Variants in NRIP3 observed in about 807,000 individuals in gnomAD.
The protein encoded by NRIP3 is nuclear receptor interacting protein 3.
Under a neutral mutation model 29.0 loss-of-function variants are expected in NRIP3, and 31 were observed. That is an observed-to-expected ratio of 1.07 (90% CI 0.80 to 1.44). The LOEUF (loss-of-function observed/expected upper bound fraction) is 1.44, where lower values mean the gene tolerates loss of function less well. Among genes scored for constraint, NRIP3 ranks in the 40% most tolerant of loss-of-function variants. The pLI is 0.00. For missense variants in NRIP3, 314 were observed against 297.9 expected (o/e 1.05, Z -0.40); for synonymous variants, 131 against 118.3 (o/e 1.11, Z -0.70).
At chr11:8,988,928 G>A (rs1854557344) in intron 1 of NRIP3, among the ~76,000 whole-genome samples, 1 of 152,306 alleles carries the variant, frequency 6.6e-6, no homozygotes, top group Non-Finnish European at 1.5e-5. Context: ...AAACCTGAGC[G>A]AACACACAAG....
At chr11:8,995,859 A>G (rs1050377106) in intron 1 of NRIP3, among the ~76,000 whole-genome samples, 2 of 152,118 alleles carry the variant, frequency 1.3e-5, no homozygotes, top group Non-Finnish European at 2.9e-5. Context: ...CAGATTCAAC[A>G]CCATCCACAC....
In NRIP3 at chr11:8,982,900, A is replaced by G. The variant is rs774362347; in HGVS notation, c.*645T>C. 1.3e-5 allele frequency: 6 copies of G among 452,082 alleles called. No homozygotes were observed. Among genetic ancestry groups the G allele is most frequent in the Non-Finnish European group, 2.7e-5 (6 of 225,680 alleles). 28.0% of individuals were successfully genotyped at this position (452,082 alleles called of 1,614,324 possible). A position where few individuals can be genotyped will look rare whatever the true frequency, so the allele number is the denominator to read the frequency against. On this transcript the variant is annotated 3_prime_UTR_variant, in exon 7 of 7. Transcript: ENST00000309166. Reference sequence around the variant, plus strand: ...TTAAAGGCTTGAATACAAATGAGGCAGCATGGGAGTCTTGGCTTGGAAATC... The same window carrying G: ...TTAAAGGCTTGAATACAAATGAGGCGGCATGGGAGTCTTGGCTTGGAAATC...
rs899182420 is a variant in NRIP3, at chr11:9,003,612, G to A, written c.174+150C>T. 3 of 731,388 alleles carry A rather than the reference G, an allele frequency of 4.1e-6. No homozygotes were observed. The East Asian group carries it at 1.0e-4, about 25-fold the overall frequency. The allele number at this position is 731,388 out of a possible 1,614,324, so 45.3% of individuals were successfully genotyped here. A position where few individuals can be genotyped will look rare whatever the true frequency, so the allele number is the denominator to read the frequency against. ...CCACCGAAACCGCAGCAGGGGTACT[G>A]GAAGGGGAGGAATCCGCGACGCAGC... On this transcript the variant is annotated intron_variant, in intron 1 of 6. Transcript: ENST00000309166.
chr11:8,991,986 A>T (rs1240444323), intron 1 of NRIP3, among the ~76,000 whole-genome samples: 1 of 152,222 alleles, frequency 6.6e-6, no homozygotes, highest in Non-Finnish European at 1.5e-5. Context: ...AAGACAGAAG[A>T]GCTACTGTTA....
chr11:8,996,748 C>T (rs1411170054), intron 1 of NRIP3, among the ~76,000 whole-genome samples: 2 of 152,268 alleles, frequency 1.3e-5, no homozygotes, highest in Non-Finnish European at 2.9e-5. Flanking sequence ...CAAGGGCCGT[C>T]CTGTCTTTCA....
chr11:8,986,179 A>T (rs890687395), intron 3 of NRIP3, among the ~76,000 whole-genome samples: 1 of 152,218 alleles, frequency 6.6e-6, no homozygotes, highest in Non-Finnish European at 1.5e-5. Flanking sequence ...GAGTTGACAC[A>T]TCCTTTTACC....
chr11:8,985,944 C>T, intron 3 of NRIP3, 94 bp from the exon 4 acceptor site: 1 of 1,430,452 alleles, frequency 7.0e-7, no homozygotes, highest in Non-Finnish European at 9.7e-7. Context: ...TGGAATTCTC[C>T]AGGGATCTCC....
intron 1 of NRIP3, among the ~76,000 whole-genome samples, chr11:8,995,753 G>A (rs1854690950): frequency 6.6e-6 from 1 of 152,114 alleles, no homozygotes; most frequent in Admixed American, 6.6e-5. Context: ...TTGTTCTTCA[G>A]AAAAAATCCA....
At chr11:8,990,658 G>GGCAT (rs1294382910) in intron 1 of NRIP3, among the ~76,000 whole-genome samples, 1 of 152,080 alleles carries the variant, frequency 6.6e-6, no homozygotes, top group Non-Finnish European at 1.5e-5. Flanking sequence ...CAGGCATGGT[G>GGCAT]GCATGCACCT....
chr11:8,998,784 A>ATTTTTTT (rs767253373), intron 1 of NRIP3, among the ~76,000 whole-genome samples: 3 of 77,570 alleles, frequency 3.9e-5, no homozygotes, highest in Non-Finnish European at 7.4e-5. Context: ...CAAACTCTTC[A>ATTTTTTT]TTTTTTTTTT....
chr11:9,004,030 A>C, upstream of NRIP3: 4 of 1,235,030 alleles, frequency 3.2e-6, no homozygotes, highest in African/African-American at 1.6e-5. Flanking sequence ...CGCGCCTTTT[A>C]TAGCCGAGCG....
intron 6 of NRIP3, 114 bp downstream of exon 6, chr11:8,983,761 A>T: frequency 1.0e-6 from 1 of 995,146 alleles, no homozygotes; most frequent in Non-Finnish European, 1.6e-6. Flanking sequence ...TTTGTAGTAT[A>T]ATTGAAAGCC....
chr11:8,990,759 T>C (rs575217924), intron 1 of NRIP3, among the ~76,000 whole-genome samples: 16 of 152,142 alleles, frequency 1.1e-4, no homozygotes, highest in African/African-American at 3.4e-4. Flanking sequence ...ACCACTGCAC[T>C]CCAGCCTGGG....
chr11:8,997,235 T>C (rs1414902250), intron 1 of NRIP3, among the ~76,000 whole-genome samples: 1 of 149,100 alleles, frequency 6.7e-6, no homozygotes, highest in Non-Finnish European at 1.5e-5. Context: ...ATTAGCCAGG[T>C]GTGGTGGTGG....
chr11:9,002,156 C>T (rs1854814374), intron 1 of NRIP3, among the ~76,000 whole-genome samples: 1 of 152,166 alleles, frequency 6.6e-6, no homozygotes, highest in African/African-American at 2.4e-5. Context: ...CGAGGGACAA[C>T]CAAATCCAGC....
chr11:8,995,194 A>G (rs185632347), intron 1 of NRIP3, among the ~76,000 whole-genome samples: 8 of 152,078 alleles, frequency 5.3e-5, no homozygotes, highest in Non-Finnish European at 7.4e-5. Flanking sequence ...AAAATCCTCA[A>G]TTTACCATTC....
chr11:8,999,092 C>T (rs12785559), intron 1 of NRIP3, among the ~76,000 whole-genome samples: 49,154 of 151,942 alleles, frequency 0.32, 8,126 homozygotes, highest in Middle Eastern at 0.45. Context: ...CATGAGCCAG[C>T]GCGCCCAGCC....
intron 1 of NRIP3, 39 bp from the exon 2 acceptor site, chr11:8,988,321 C>A: frequency 6.4e-7 from 1 of 1,555,278 alleles, no homozygotes; most frequent in Non-Finnish European, 8.8e-7. Context: ...AGTGACAGGC[C>A]ACATCCCTCT....
intron 1 of NRIP3, among the ~76,000 whole-genome samples, chr11:8,995,035 G>A (rs1247756367): frequency 2.6e-5 from 4 of 151,330 alleles, no homozygotes; most frequent in Non-Finnish European, 4.4e-5. Flanking sequence ...TCAAACTTGC[G>A]CATTCTCCCT....
Sources: allele counts gnomAD v4.1 joint callset (sites outside exome capture counted in the v4.1 genomes callset), GRCh38; gene constraint gnomAD v4.1.1; transcripts MANE v1.5; gene names NCBI Gene and HGNC (gene_info 2026-07-23, HGNC 2026-07-21).